Variants in CCDC88A observed in about 807,000 individuals in gnomAD.
The protein encoded by CCDC88A is girdin.
Under a neutral mutation model 234.3 loss-of-function variants are expected in CCDC88A, and 54 were observed. That is an observed-to-expected ratio of 0.23 (90% CI 0.19 to 0.29). The LOEUF is 0.29. Among genes scored for constraint, CCDC88A ranks in the 10% least tolerant of loss-of-function variants. The pLI is 1.00. For synonymous variants in CCDC88A, 753 were observed against 737.8 expected (o/e 1.02, Z -0.33); for missense variants, 1,832 against 2,123.4 (o/e 0.86, Z 2.70).
In CCDC88A at chr2:55,355,736, A is replaced by AGCG; in HGVS notation, c.642_643insCGC (p.Leu214_Ser215insArg). The AGCG allele has an allele frequency of 1.9e-6, 3 of 1,613,522 alleles. No individual in the cohort carries two copies. The highest frequency in any genetic ancestry group is 2.5e-6 in the Non-Finnish European group (3 of 1,179,460). On this transcript the variant is annotated inframe_insertion, in exon 8 of 33. Coordinates refer to ENST00000436346, the MANE Select transcript of CCDC88A (RefSeq NM_001365480.1). ...AAATGGAGACCATCCCGCTCTTCAG[A>AGCG]GAGTTCTATGATAGTCTAGAAATAC...
At chr2:55,295,316 AC>A in intron 31 of CCDC88A, 1 of 1,467,388 alleles carries the variant, frequency 6.8e-7, no homozygotes, top group Non-Finnish European at 9.1e-7. Flanking sequence ...CACTTATGTT[AC>A]TAACTAATTC....
At chr2:55,302,488 G>A (rs1681012782) in intron 26 of CCDC88A, among the ~76,000 whole-genome samples, 1 of 152,034 alleles carries the variant, frequency 6.6e-6, no homozygotes, top group Non-Finnish European at 1.5e-5. Context: ...GTCAGAGCAG[G>A]TTACTGAAGA....
chr2:55,298,290 A>G (rs909489175), intron 29 of CCDC88A, among the ~76,000 whole-genome samples: 10 of 10,632 alleles, frequency 9.4e-4, no homozygotes, highest in Admixed American at 0.013. Flanking sequence ...TCAAATCAGA[A>G]AAAAAAAAAT....
intron 5 of CCDC88A, among the ~76,000 whole-genome samples, chr2:55,368,046 T>C (rs1163663247): frequency 1.3e-5 from 2 of 152,250 alleles, no homozygotes; most frequent in African/African-American, 4.8e-5. Context: ...AAACTTTTTC[T>C]TCTGCATAGG....
Position 55,332,834 on chromosome 2 carries a change from T to C in CCDC88A, c.2728-141A>G, listed in dbSNP as rs1238289692. On this transcript the variant is annotated intron_variant, in intron 15 of 32. Transcript: ENST00000436346. The surrounding 1 kb of genome is among the most constrained non-coding windows in gnomAD (Gnocchi z 4.5). ...ATGTCATTAAACCATTCCTTCATTA[T>C]TAAAATGTAGTTAAAGTTATAACCT... 4 of 748,572 alleles carry C rather than the reference T, an allele frequency of 5.3e-6. No individual in the cohort carries two copies. In the African/African-American group the frequency reaches 7.1e-5, roughly 13 times the overall value. 46.4% of individuals were successfully genotyped at this position (748,572 alleles called of 1,614,324 possible). A position where few individuals can be genotyped will look rare whatever the true frequency, so the allele number is the denominator to read the frequency against.
intron 2 of CCDC88A, among the ~76,000 whole-genome samples, chr2:55,399,959 T>C (rs1286042724): frequency 1.3e-5 from 2 of 152,192 alleles, no homozygotes; most frequent in Non-Finnish European, 2.9e-5. Context: ...CTGTATTCTA[T>C]TACTTTTAAT....
At chr2:55,362,899 C>T (rs1671502538) in intron 6 of CCDC88A, among the ~76,000 whole-genome samples, 1 of 151,848 alleles carries the variant, frequency 6.6e-6, no homozygotes, top group African/African-American at 2.4e-5. Context: ...GACACTGTCA[C>T]AGAAGCTTAG....
intron 25 of CCDC88A, among the ~76,000 whole-genome samples, chr2:55,307,402 C>G (rs13390509): frequency 2.0e-4 from 30 of 150,446 alleles, no homozygotes; most frequent in African/African-American, 7.4e-4. Context: ...TCTTGTTGCC[C>G]AGGCTGGAGT....
In CCDC88A at chr2:55,317,283, C is replaced by T. The variant is rs2104624833; in HGVS notation, c.3669G>A (p.Gln1223=). ...EDLEKMLKVE[Q]EKMLLENKNH... ...TTTTATTTTCAAGCAGCATTTTTTC[C>T]TGTTCTACTTTGAGCATTTTTTCCA... Residue 1223 remains glutamine, a synonymous_variant, in exon 21 of 33, where the codon CAG becomes CAA. Coordinates refer to ENST00000436346, the MANE Select transcript of CCDC88A (RefSeq NM_001365480.1). The surrounding 1 kb of genome is among the most constrained non-coding windows in gnomAD (Gnocchi z 4.2). 1 of 1,552,984 alleles carries T rather than the reference C, an allele frequency of 6.4e-7. No homozygotes were observed. The highest frequency in any genetic ancestry group is 8.7e-7 in the Non-Finnish European group (1 of 1,145,636).
intron 2 of CCDC88A, 47 bp from the exon 3 acceptor site, chr2:55,388,933 T>C: frequency 1.6e-6 from 1 of 617,278 alleles, no homozygotes; most frequent in Admixed American, 3.1e-5. Flanking sequence ...AATACTACTA[T>C]CAATCTATAT....
intron 13 of CCDC88A, chr2:55,339,096 T>C (rs547092425): frequency 6.8e-5 from 11 of 160,802 alleles, no homozygotes; most frequent in South Asian, 3.7e-4. Flanking sequence ...GTAGCTGGGA[T>C]CACCGGCGCC....
At chr2:55,292,590 T>G (rs1196607001) in intron 31 of CCDC88A, 2 of 152,324 alleles carry the variant, frequency 1.3e-5, no homozygotes, top group African/African-American at 2.4e-5. Context: ...TGATAAGAAC[T>G]AGTGTTGTGG....
At chr2:55,343,574 T>C (rs1340946319) in intron 12 of CCDC88A, 74 bp downstream of exon 12, 7 of 1,177,540 alleles carry the variant, frequency 5.9e-6, no homozygotes, top group South Asian at 1.6e-5. Flanking sequence ...CTGCGGAAAA[T>C]AAAGAACTGC....
Position 55,328,484 on chromosome 2 carries a change from A to G in CCDC88A, c.2856-49T>C. ...GTTCATTATTGGAGGTCAGAAAATT[A>G]TTTTTAAAGATAATTTATGACCACA... On this transcript the variant is annotated intron_variant, in intron 16 of 32. Coordinates refer to ENST00000436346, the MANE Select transcript of CCDC88A (RefSeq NM_001365480.1). This position sits in a 1 kb window ranked among gnomAD's most constrained non-coding sequence, Gnocchi z 4.3. The G allele has an allele frequency of 3.1e-6, 4 of 1,309,732 alleles. No individual in the cohort carries two copies. The highest frequency in any genetic ancestry group is 4.1e-6 in the Non-Finnish European group (4 of 973,622). 81.1% of individuals were successfully genotyped at this position (1,309,732 alleles called of 1,614,324 possible). A position where few individuals can be genotyped will look rare whatever the true frequency, so the allele number is the denominator to read the frequency against.
At chr2:55,342,926 T>C (rs1053670618) in intron 12 of CCDC88A, among the ~76,000 whole-genome samples, 3 of 152,144 alleles carry the variant, frequency 2.0e-5, no homozygotes, top group East Asian at 3.8e-4. Flanking sequence ...CTGAGGAGTT[T>C]TGAAACTAGT....
intron 2 of CCDC88A, among the ~76,000 whole-genome samples, chr2:55,406,572 G>T (rs1679626124): frequency 6.6e-6 from 1 of 152,086 alleles, no homozygotes; most frequent in African/African-American, 2.4e-5. Flanking sequence ...TGGCCAACAT[G>T]GAAAAACCCC....
intron 3 of CCDC88A, among the ~76,000 whole-genome samples, chr2:55,384,864 C>T (rs1353905685): frequency 6.6e-6 from 1 of 151,544 alleles, no homozygotes; most frequent in Non-Finnish European, 1.5e-5. Flanking sequence ...ACCACGTTGG[C>T]CAGGCTGGTT....
intron 5 of CCDC88A, among the ~76,000 whole-genome samples, chr2:55,368,231 G>T (rs1023789366): frequency 2.6e-5 from 4 of 152,022 alleles, no homozygotes; most frequent in African/African-American, 7.2e-5. Flanking sequence ...CCCAAGCCCT[G>T]GCCTTGGATG....
intron 9 of CCDC88A, among the ~76,000 whole-genome samples, chr2:55,346,951 T>C (rs1195826639): frequency 6.6e-6 from 1 of 152,152 alleles, no homozygotes; most frequent in Admixed American, 6.5e-5. Context: ...CTGTCAGGAA[T>C]GTAAAAAATA....
Sources: gnomAD v4.1 joint callset for allele counts (sites outside exome capture counted in the v4.1 genomes callset) on GRCh38, gnomAD v4.1.1 for gene constraint, Gnocchi (gnomAD v3.1) non-coding constraint, MANE v1.5 for transcripts, NCBI Gene and HGNC (gene_info 2026-07-23, HGNC 2026-07-21) for gene names.